Variants in RFC1 observed in about 807,000 individuals in gnomAD.
RFC1 encodes A1 140 kDa subunit.
RFC1 carries 37 observed loss-of-function variants against 137.4 expected under a neutral mutation model. The ratio of observed to expected loss-of-function variants is 0.27; its 90% CI spans 0.21 to 0.35. The LOEUF is 0.35. Among genes scored for constraint, RFC1 ranks in the 10% least tolerant of loss-of-function variants. The probability of loss-of-function intolerance (pLI) is 1.00; values close to 1 mark genes in which losing one functional copy is unlikely to be tolerated. For synonymous variants in RFC1, 429 were observed against 455.7 expected, an observed-to-expected ratio of 0.94 and a Z score of 0.75; for missense variants, 1,205 against 1,358.5, an observed-to-expected ratio of 0.89 and a Z score of 1.78.
rs56374926 is a variant in RFC1, at chr4:39,320,349, C to CA, written c.1095+33dup. 2,837 of 1,116,640 alleles carry CA rather than the reference C, an allele frequency of 2.5e-3. 14 individuals carry two copies. In the African/African-American group the frequency reaches 0.033, roughly 13 times the overall value. 69.2% of individuals were successfully genotyped at this position (1,116,640 alleles called of 1,614,324 possible). On this transcript the variant is annotated intron_variant, in intron 9 of 24. Transcript: ENST00000349703. ...CAGCAACAAGAGCAAAACTCCATCT[C>CA]AAAAAAAAAAAAAAAAAAAAACAAA...
chr4:39,315,212 C>G (rs1312325993), intron 10 of RFC1, among the ~76,000 whole-genome samples: 1 of 152,232 alleles, frequency 6.6e-6, no homozygotes, highest in Non-Finnish European at 1.5e-5. Context: ...ATTCATGTTA[C>G]TAAATGGAAC....
At chr4:39,337,698 C>A (rs535183293) in intron 4 of RFC1, among the ~76,000 whole-genome samples, 1 of 152,056 alleles carries the variant, frequency 6.6e-6, no homozygotes, top group Non-Finnish European at 1.5e-5. Flanking sequence ...AGAATATATA[C>A]CTATTTGTCT....
intron 4 of RFC1, among the ~76,000 whole-genome samples, chr4:39,339,133 C>T (rs1578152891): frequency 6.6e-6 from 1 of 151,952 alleles, no homozygotes; most frequent in Non-Finnish European, 1.5e-5. Context: ...ACCGCAATTC[C>T]TTCATCCATC....
intron 2 of RFC1, among the ~76,000 whole-genome samples, chr4:39,349,438 T>A (rs1741071019): frequency 6.6e-6 from 1 of 152,128 alleles, no homozygotes; most frequent in Admixed American, 6.6e-5. Context: ...GCTCATTCAA[T>A]CTCTATCTCT....
At chr4:39,290,521 A>T (rs886338783) in intron 23 of RFC1, among the ~76,000 whole-genome samples, 1 of 152,212 alleles carries the variant, frequency 6.6e-6, no homozygotes, top group Non-Finnish European at 1.5e-5. Context: ...TCAGTAAATC[A>T]AAAAGGGGCT....
In RFC1 at chr4:39,327,514, G is replaced by C; in HGVS notation, c.564+10C>G. 1.2e-5 allele frequency: 19 copies of C among 1,579,592 alleles called. No homozygotes were observed. The highest frequency in any genetic ancestry group is 1.6e-5 in the Non-Finnish European group (19 of 1,155,440). ...TCCTGAGCATACTTGCTTATATGTA[G>C]AACACTTACCTCTTTTCTTTTGCTT... On this transcript the variant is annotated intron_variant, in intron 5 of 24. Transcript: ENST00000349703.
intron 1 of RFC1, among the ~76,000 whole-genome samples, chr4:39,363,899 AAAAG>A (rs796901862): frequency 1.6e-3 from 145 of 91,108 alleles, no homozygotes; most frequent in South Asian, 2.3e-3. Flanking sequence ...AAAAAAAAAA[AAAAG>A]AAGAAGAAGA....
Position 39,287,555 on chromosome 4 carries a change from C to T in RFC1, c.*1206G>A, listed in dbSNP as rs1237876996. ...AGTTTAAATGTCTCAAGAACTTTGTCTCATCACCCAAACAAGACTACCAGT... is the reference window on the plus strand; with the variant it reads ...AGTTTAAATGTCTCAAGAACTTTGTTTCATCACCCAAACAAGACTACCAGT... On this transcript the variant is annotated 3_prime_UTR_variant, in exon 25 of 25. Transcript: ENST00000349703. 1 of 152,188 alleles carries T rather than the reference C, an allele frequency of 6.6e-6. No homozygotes were observed. Among genetic ancestry groups the T allele is most frequent in the African/African-American group, 2.4e-5 (1 of 41,434 alleles). 9.4% of individuals were successfully genotyped at this position (152,188 alleles called of 1,614,324 possible).
At chr4:39,358,359 T>G (rs1284086140) in intron 1 of RFC1, among the ~76,000 whole-genome samples, 5 of 152,250 alleles carry the variant, frequency 3.3e-5, no homozygotes, top group Admixed American at 1.3e-4. Context: ...TATTTGTCGC[T>G]AAGTGTTTTA....
chr4:39,351,284 AACT>A, intron 2 of RFC1, 61 bp downstream of exon 2: 172 of 470,526 alleles, frequency 3.7e-4, no homozygotes, highest in Non-Finnish European at 5.2e-4. Flanking sequence ...AAAAAAAAAA[AACT>A]TATAAGAACT....
At position 39,288,635 on chromosome 4, in the gene RFC1, T is replaced by C. The variant is rs1207861452; in HGVS notation, c.*126A>G. On this transcript the variant is annotated 3_prime_UTR_variant, in exon 25 of 25. Transcript: ENST00000349703. ...TAGCCATACCACCCTTTATTTATAA[T>C]GGGACACCAGGTCATCCCATTATGC... 2 of 670,080 alleles carry C rather than the reference T, an allele frequency of 3.0e-6. No homozygotes were observed. The highest frequency in any genetic ancestry group is 5.2e-5 in the East Asian group (2 of 38,642). The allele number at this position is 670,080 out of a possible 1,614,324, so 41.5% of individuals were successfully genotyped here. A position where few individuals can be genotyped will look rare whatever the true frequency, so the allele number is the denominator to read the frequency against.
At chr4:39,357,966 A>C (rs1407733275) in intron 1 of RFC1, among the ~76,000 whole-genome samples, 1 of 152,054 alleles carries the variant, frequency 6.6e-6, no homozygotes, top group East Asian at 1.9e-4. Flanking sequence ...AAACTACTTA[A>C]ATGAACACAG....
intron 4 of RFC1, among the ~76,000 whole-genome samples, chr4:39,340,262 T>G (rs1578153934): frequency 6.6e-6 from 1 of 152,180 alleles, no homozygotes; most frequent in African/African-American, 2.4e-5. Context: ...AAGTATGCAA[T>G]AATGAAGAAA....
At chr4:39,323,268 C>A in intron 7 of RFC1, 72 bp downstream of exon 7, 1 of 1,137,492 alleles carries the variant, frequency 8.8e-7, no homozygotes, top group South Asian at 1.8e-5. Flanking sequence ...TTGGCTAGAG[C>A]CTAGAACACG....
At chr4:39,320,302 T>C (rs1739447090) in intron 9 of RFC1, 81 bp downstream of exon 9, 3 of 1,280,748 alleles carry the variant, frequency 2.3e-6, no homozygotes, top group Admixed American at 3.4e-5. Context: ...TGAGCCGAGA[T>C]TGTGCCACTG....
chr4:39,326,699 C>CT, intron 5 of RFC1, 59 bp from the exon 6 acceptor site: 1 of 1,358,200 alleles, frequency 7.4e-7, no homozygotes. Context: ...AAATAAGGCA[C>CT]TTTTTCTTGA....
Position 39,291,835 on chromosome 4 carries a change from C to G in RFC1, c.2972G>C (p.Arg991Thr), listed in dbSNP as rs755063786. The G allele has an allele frequency of 6.2e-7, 1 of 1,613,988 alleles. No individual in the cohort carries two copies. The highest frequency in any genetic ancestry group is 1.1e-5 in the South Asian group (1 of 91,074). The change falls in exon 23 of 25, where the codon AGG (arginine) becomes ACG (threonine). Residue 991 changes from arginine (R) to threonine (T), a missense_variant. Transcript: ENST00000349703. ...CGACAGATAATCCATGTTTACAGTC[C>G]TTTTGCTGGAGTAAGTTCTGAAACC... is the stretch of plus-strand genomic sequence containing the variant. The part of the protein sequence containing the change: ...HMSLRTYSSK[R>T]TVNMDYLSLL...
Position 39,308,959 on chromosome 4 carries a change from T to G in RFC1, c.1562A>C (p.Lys521Thr). The G allele has an allele frequency of 6.2e-7, 1 of 1,613,756 alleles. No individual in the cohort carries two copies. Among genetic ancestry groups the G allele is most frequent in the African/African-American group, 1.3e-5 (1 of 74,974 alleles). Residue 521 changes from lysine (K) to threonine (T), a missense_variant, in exon 13 of 25, where the codon AAA becomes ACA. Transcript: ENST00000349703. ...VQGKRKISPSKKESESKKSRP... is the reference protein window; with the variant it reads ...VQGKRKISPSTKESESKKSRP... ...GCTCTTTTTAGATTCTGATTCCTTT[T>G]TAGATGGACTAATTTTTCTTTTTCC... is the stretch of plus-strand genomic sequence containing the variant.
intron 2 of RFC1, among the ~76,000 whole-genome samples, chr4:39,347,907 G>T (rs2109745831): frequency 6.6e-6 from 1 of 152,346 alleles, no homozygotes; most frequent in South Asian, 2.1e-4. Flanking sequence ...TGGCCAAGTT[G>T]TGTCCTAGTG....
Sources: allele counts gnomAD v4.1 joint callset (sites outside exome capture counted in the v4.1 genomes callset), GRCh38; gene constraint gnomAD v4.1.1; transcripts MANE v1.5; gene names NCBI Gene and HGNC (gene_info 2026-07-23, HGNC 2026-07-21).